The following NPAS3 variants were observed in gnomAD, a reference collection of about 807,000 sequenced individuals.
NPAS3 encodes neuronal PAS domain-containing protein 3.
NPAS3 carries 14 observed loss-of-function variants against 73.1 expected under a neutral mutation model. The observed-to-expected ratio is 0.19, with a 90% CI of 0.13 to 0.30. The LOEUF (loss-of-function observed/expected upper bound fraction) is 0.30, where lower values mean the gene tolerates loss of function less well. Among genes scored for constraint, NPAS3 ranks in the 10% least tolerant of loss-of-function variants. The pLI, the probability that NPAS3 is intolerant of heterozygous loss-of-function variation, is 1.00. For missense variants in NPAS3, 1,096 were observed against 1,250.0 expected (o/e 0.88, Z 1.86); for synonymous variants, 620 against 541.5 (o/e 1.14, Z -2.01).
intron 5 of NPAS3, among the ~76,000 whole-genome samples, chr14:33,645,264 G>A (rs2058797252): frequency 6.6e-6 from 1 of 152,152 alleles, no homozygotes; most frequent in South Asian, 2.1e-4. Context: ...CTGTGAAGCT[G>A]CAGGTTCCTG....
intron 3 of NPAS3, among the ~76,000 whole-genome samples, chr14:33,232,691 C>T (rs530287756): frequency 1.3e-5 from 2 of 152,138 alleles, no homozygotes; most frequent in Non-Finnish European, 2.9e-5. Context: ...CAATACTATT[C>T]TTTTCCCCTT....
At chr14:33,616,918 A>T (rs370281873) in intron 5 of NPAS3, among the ~76,000 whole-genome samples, 1 of 152,174 alleles carries the variant, frequency 6.6e-6, no homozygotes, top group South Asian at 2.1e-4. Context: ...AGAAAATTAC[A>T]TGGCAGTTTT....
At chr14:33,063,916 A>G (rs1433901708) in intron 2 of NPAS3, among the ~76,000 whole-genome samples, 1 of 152,236 alleles carries the variant, frequency 6.6e-6, no homozygotes, top group Non-Finnish European at 1.5e-5. Flanking sequence ...TAAGCATTCA[A>G]CCGCCAGCAA....
intron 4 of NPAS3, among the ~76,000 whole-genome samples, chr14:33,376,779 C>A (rs1489787758): frequency 4.6e-5 from 7 of 152,120 alleles, no homozygotes. Context: ...CTCTCTAAGC[C>A]TTAGTTTTTT....
At position 33,800,459 on chromosome 14, in the gene NPAS3, C is replaced by T. The variant is rs1461431897; in HGVS notation, c.2152C>T (p.Pro718Ser). ...GGCCATTCCCGACTCGGTCCTCACC[C>T]CGCCCGGCGCCGACGGCGCGGCCGC... is the stretch of plus-strand genomic sequence containing the variant. Residue 718 changes from proline to serine, a missense_variant, in exon 12 of 12, where the codon CCG (proline) becomes TCG (serine). Physicochemically the swap from Pro to Ser is moderately conservative, Grantham distance 74. Coordinates refer to ENST00000356141, the Ensembl canonical transcript of NPAS3. The surrounding 1 kb of genome is among the most constrained non-coding windows in gnomAD (Gnocchi z 6.5). 1 of 1,511,406 alleles carries T rather than the reference C, an allele frequency of 6.6e-7. No individual in the cohort carries two copies. Among genetic ancestry groups the T allele is most frequent in the Admixed American group, 2.4e-5 (1 of 41,696 alleles). 93.6% of individuals were successfully genotyped at this position (1,511,406 alleles called of 1,614,324 possible). A position where few individuals can be genotyped will look rare whatever the true frequency, so the allele number is the denominator to read the frequency against.
intron 2 of NPAS3, among the ~76,000 whole-genome samples, chr14:33,123,861 C>CTTTTTTTT (rs35332896): frequency 3.7e-5 from 3 of 81,142 alleles, no homozygotes; most frequent in Non-Finnish European, 3.0e-5. Flanking sequence ...TTCTTTCTTT[C>CTTTTTTTT]TTTTTTTTTT....
chr14:33,440,084 C>A (rs897356584), intron 4 of NPAS3, among the ~76,000 whole-genome samples: 2 of 149,244 alleles, frequency 1.3e-5, no homozygotes, highest in Non-Finnish European at 3.0e-5. Context: ...CCACTGCACT[C>A]CAGCCTGGGC....
chr14:33,227,912 T>C (rs1242592287), intron 3 of NPAS3, among the ~76,000 whole-genome samples: 3 of 152,200 alleles, frequency 2.0e-5, no homozygotes, highest in Admixed American at 1.3e-4. Flanking sequence ...AGTAAGGTTT[T>C]CTGGTCAGTG....
At chr14:33,358,443 G>C (rs1015674364) in intron 3 of NPAS3, among the ~76,000 whole-genome samples, 1 of 152,118 alleles carries the variant, frequency 6.6e-6, no homozygotes, top group Non-Finnish European at 1.5e-5. Flanking sequence ...ACATGCATCT[G>C]TAGCTACGTT....
intron 3 of NPAS3, among the ~76,000 whole-genome samples, chr14:33,223,496 A>G (rs533348563): frequency 6.6e-6 from 1 of 152,316 alleles, no homozygotes; most frequent in South Asian, 2.1e-4. Flanking sequence ...GACAGCTTTC[A>G]AGAAAATTAA....
At chr14:33,053,370 A>C (rs1243673230) in intron 1 of NPAS3, among the ~76,000 whole-genome samples, 1 of 152,200 alleles carries the variant, frequency 6.6e-6, no homozygotes, top group African/African-American at 2.4e-5. Context: ...AAAATTAGTC[A>C]TAGCTTACAT....
chr14:33,688,223 C>G (rs1566426808), intron 6 of NPAS3, among the ~76,000 whole-genome samples: 1 of 152,166 alleles, frequency 6.6e-6, no homozygotes, highest in Non-Finnish European at 1.5e-5. Flanking sequence ...AACCCTTGCC[C>G]AGAAAGAGAG....
At chr14:33,528,835 T>C (rs1354964984) in intron 4 of NPAS3, among the ~76,000 whole-genome samples, 1 of 152,164 alleles carries the variant, frequency 6.6e-6, no homozygotes, top group South Asian at 2.1e-4. Context: ...GAGTGTCACA[T>C]GCCTTAAGGA....
intron 7 of NPAS3, among the ~76,000 whole-genome samples, chr14:33,750,106 T>A (rs1394053496): frequency 1.3e-5 from 2 of 152,072 alleles, no homozygotes; most frequent in African/African-American, 2.4e-5. Context: ...AGAAAAAAAA[T>A]TTATACAGCT....
At chr14:33,367,191 G>A in exon 4 of NPAS3, 1 of 853,082 alleles carries the variant, frequency 1.2e-6, no homozygotes, top group Non-Finnish European at 2.0e-6. Context: ...TTAAGTTATA[G>A]GTGCACAGCG....
rs150320187 is a variant in NPAS3 at position 33,646,267 on chromosome 14, C to T, written c.559-29944C>T. 8.0e-3 allele frequency among the ~76,000 whole-genome samples: 1,212 copies of T among 152,238 alleles called. 13 individuals are homozygous for T. The highest frequency in any genetic ancestry group is 0.028 in the African/African-American group (1,145 of 41,538). The stretch of plus-strand genomic sequence containing the variant: ...ATTGTTTTACTCATCATATATGGAA[C>T]ATGATATCATATGTACAAAGGAGTA... On this transcript the variant is annotated intron_variant, in intron 5 of 11. Transcript: ENST00000356141.
At chr14:33,694,078 A>G (rs571438695) in intron 6 of NPAS3, among the ~76,000 whole-genome samples, 8 of 152,200 alleles carry the variant, frequency 5.3e-5, no homozygotes, top group Non-Finnish European at 1.0e-4. Context: ...TCAGTTTTTT[A>G]AGATTAAATG....
chr14:33,377,058 A>T (rs1304052218), intron 4 of NPAS3, among the ~76,000 whole-genome samples: 1 of 152,208 alleles, frequency 6.6e-6, no homozygotes, highest in Non-Finnish European at 1.5e-5. Flanking sequence ...TCAAAACAAG[A>T]TAAATATTCT....
At chr14:33,669,176 G>A (rs887423735) in intron 5 of NPAS3, among the ~76,000 whole-genome samples, 8 of 152,138 alleles carry the variant, frequency 5.3e-5, no homozygotes, top group East Asian at 1.9e-4. Context: ...AAAAGAAACC[G>A]ACTTCAGTTA....
Sources: allele counts gnomAD v4.1 joint callset (sites outside exome capture counted in the v4.1 genomes callset), GRCh38; gene constraint gnomAD v4.1.1; non-coding constraint Gnocchi (gnomAD v3.1); transcripts MANE v1.5; gene names NCBI Gene and HGNC (gene_info 2026-07-23, HGNC 2026-07-21).